RAD50: variants seen among roughly 807,000 people sequenced by gnomAD.
RAD50 encodes the protein RAD50 double strand break repair protein, also known as DNA repair protein RAD50.
RAD50 carries 132 observed loss-of-function variants against 168.8 expected under a neutral mutation model. The ratio of observed to expected loss-of-function variants is 0.78; its 90% CI spans 0.68 to 0.90. RAD50 has a LOEUF of 0.90. Among genes scored for constraint, RAD50 ranks in the 40% least tolerant of loss-of-function variants. The pLI is 0.00. For missense variants in RAD50, 1,347 were observed against 1,534.4 expected, an observed-to-expected ratio of 0.88 and a Z score of 2.04; for synonymous variants, 525 against 497.4, an observed-to-expected ratio of 1.06 and a Z score of -0.74.
At chr5:132,561,743 T>C (rs980996675) in intron 2 of RAD50, among the ~76,000 whole-genome samples, 2 of 152,228 alleles carry the variant, frequency 1.3e-5, no homozygotes, top group Non-Finnish European at 2.9e-5. Flanking sequence ...CTTGATTCCT[T>C]GTACCCACTT....
At chr5:132,638,001 TA>T in intron 22 of RAD50, 79 bp from the exon 23 acceptor site, 1 of 1,465,336 alleles carries the variant, frequency 6.8e-7, no homozygotes, top group Non-Finnish European at 9.5e-7. Context: ...CTGTTGTTCC[TA>T]GGCTTACTTG....
chr5:132,587,032 C>T (rs1367716285), intron 5 of RAD50, among the ~76,000 whole-genome samples: 2 of 152,246 alleles, frequency 1.3e-5, no homozygotes, highest in Admixed American at 6.5e-5. Context: ...GATGAGGCAA[C>T]CAGCTGTCTC....
intron 2 of RAD50, among the ~76,000 whole-genome samples, chr5:132,562,102 A>G (rs148227256): frequency 1.3e-5 from 2 of 152,324 alleles, no homozygotes; most frequent in East Asian, 1.9e-4. Context: ...GTCCCTGAGC[A>G]TGGTTGGTGT....
chr5:132,622,956 T>C (rs1004928838), intron 21 of RAD50, among the ~76,000 whole-genome samples: 3 of 152,218 alleles, frequency 2.0e-5, no homozygotes, highest in African/African-American at 7.2e-5. Context: ...CTATACTCAC[T>C]GGTAGCATAA....
rs1750765053 is a variant in RAD50, at chr5:132,595,016, G to A, written c.1941G>A (p.Glu647=). Residue 647 remains glutamate, a synonymous_variant, in exon 12 of 25, where the codon GAG becomes GAA. Transcript: ENST00000378823. The stretch of plus-strand genomic sequence containing the variant: ...AAAGTGATTTAGACAGGCTTAAAGA[G>A]GAAATTGAAAAATCATCAAAACAGC... ...DFESDLDRLK[E]EIEKSSKQRA... 1 of 1,613,704 alleles carries A rather than the reference G, an allele frequency of 6.2e-7. No homozygotes were observed. The highest frequency in any genetic ancestry group is 8.5e-7 in the Non-Finnish European group (1 of 1,179,702).
rs760741207 is a variant in RAD50, at chr5:132,640,782, A to G, written c.3729A>G (p.Glu1243=). 2 of 1,613,162 alleles carry G rather than the reference A, an allele frequency of 1.2e-6. No individual in the cohort carries two copies. Among genetic ancestry groups the G allele is most frequent in the Admixed American group, 1.7e-5 (1 of 59,942 alleles). The change falls in exon 24 of 25, where the codon GAA becomes GAG. Residue 1243 remains glutamate (E), a synonymous_variant. Coordinates refer to ENST00000378823, the MANE Select transcript of RAD50 (RefSeq NM_005732.4). ...PTTNLDRENI[E]SLAHALVEII... The stretch of plus-strand genomic sequence containing the variant: ...CAAATCTTGACCGAGAAAACATTGA[A>G]TCTCTTGCACATGCTCTGGTTGAGT...
intron 5 of RAD50, among the ~76,000 whole-genome samples, chr5:132,585,110 A>C (rs567977434): frequency 6.6e-6 from 1 of 152,256 alleles, no homozygotes; most frequent in South Asian, 2.1e-4. Context: ...AAAAGAAATA[A>C]GTTGTTTTCG....
At chr5:132,558,426 T>C (rs947256305) in intron 1 of RAD50, among the ~76,000 whole-genome samples, 1 of 152,102 alleles carries the variant, frequency 6.6e-6, no homozygotes, top group African/African-American at 2.4e-5. Flanking sequence ...AAATAGTTTC[T>C]ACAGCTGGGC....
At chr5:132,619,903 G>GAGAGAT (rs1554099998) in intron 21 of RAD50, among the ~76,000 whole-genome samples, 2,049 of 135,038 alleles carry the variant, frequency 0.015, 54 homozygotes, top group African/African-American at 0.056. Flanking sequence ...GAGAGAGAGA[G>GAGAGAT]ATATATCTTT....
intron 2 of RAD50, among the ~76,000 whole-genome samples, chr5:132,561,445 A>G (rs1344136718): frequency 6.6e-6 from 1 of 151,908 alleles, no homozygotes; most frequent in Non-Finnish European, 1.5e-5. Flanking sequence ...CACCTGCCTC[A>G]GTCTCCCAAA....
chr5:132,593,725 T>C (rs965086775), intron 11 of RAD50, among the ~76,000 whole-genome samples: 5 of 152,084 alleles, frequency 3.3e-5, no homozygotes, highest in Non-Finnish European at 2.9e-5. Flanking sequence ...ATTCAGGAGA[T>C]TGGAAGTTGT....
chr5:132,618,366 A>ATTTTTTTC lies in RAD50; in HGVS notation c.3389+87_3389+94dup, dbSNP rs1235908298. 4 of 1,574,130 alleles carry ATTTTTTTC rather than the reference A, an allele frequency of 2.5e-6. No homozygotes were observed. In the African/African-American group the frequency reaches 5.6e-5, roughly 22 times the overall value. On this transcript the variant is annotated intron_variant, in intron 21 of 24. Coordinates refer to ENST00000378823, the MANE Select transcript of RAD50 (RefSeq NM_005732.4). Reference sequence around the variant, plus strand: ...ACATACTTTAGTCATCTTTTCTCTCATTTTTTTCTTTTTTTCTTTTTTATT... The same window carrying ATTTTTTTC: ...ACATACTTTAGTCATCTTTTCTCTCATTTTTTTCTTTTTTTCTTTTTTTCTTTTTTATT...
intron 21 of RAD50, among the ~76,000 whole-genome samples, chr5:132,635,236 A>G (rs1339858897): frequency 6.6e-6 from 1 of 152,260 alleles, no homozygotes; most frequent in Non-Finnish European, 1.5e-5. Context: ...AGATAACAGT[A>G]TCTAATTCCC....
chr5:132,576,958 A>G (rs1296113683), intron 3 of RAD50, among the ~76,000 whole-genome samples: 1 of 152,254 alleles, frequency 6.6e-6, no homozygotes, highest in Admixed American at 6.5e-5. Flanking sequence ...AATGCTTAAC[A>G]TGTAGTAAGA....
intron 10 of RAD50, 25 bp from the exon 11 acceptor site, chr5:132,591,852 T>A: frequency 6.5e-7 from 1 of 1,543,128 alleles, no homozygotes; most frequent in Non-Finnish European, 8.9e-7. Context: ...ACTTTATTTT[T>A]AAAAGATTTT....
chr5:132,608,596 A>G lies in RAD50; in HGVS notation c.2719-19A>G. ...ATAATGGAATATTATATAATACTTTATCTTTTTTATATTTTTAGGATGCTA... is the reference window on the plus strand; with the variant it reads ...ATAATGGAATATTATATAATACTTTGTCTTTTTTATATTTTTAGGATGCTA... On this transcript the variant is annotated intron_variant, in intron 16 of 24. Transcript: ENST00000378823. 2 of 1,519,412 alleles carry G rather than the reference A, an allele frequency of 1.3e-6. No homozygotes were observed. The highest frequency in any genetic ancestry group is 4.9e-5 in the East Asian group (2 of 40,530). 94.1% of individuals were successfully genotyped at this position (1,519,412 alleles called of 1,614,324 possible).
At position 132,644,527 on chromosome 5, in the gene RAD50, T is replaced by G. The variant is rs575843992; in HGVS notation, c.*2163T>G. 4.4e-5 allele frequency: 8 copies of G among 181,470 alleles called. No homozygotes were observed. The highest frequency in any genetic ancestry group is 1.6e-4 in the African/African-American group (7 of 42,444). 11.2% of individuals were successfully genotyped at this position (181,470 alleles called of 1,614,324 possible). A position where few individuals can be genotyped will look rare whatever the true frequency, so the allele number is the denominator to read the frequency against. On this transcript the variant is annotated 3_prime_UTR_variant, in exon 25 of 25. Transcript: ENST00000378823. ...TGGTACATATTTTGTAGGGTTGTTA[T>G]GAAGATTGAATGACATTATTTACAA... is the stretch of plus-strand genomic sequence containing the variant.
chr5:132,557,547 T>A, intron 1 of RAD50, 94 bp downstream of exon 1: 1 of 1,542,522 alleles, frequency 6.5e-7, no homozygotes. Flanking sequence ...AGCAGAAGCG[T>A]CCCTAGGGCT....
intron 17 of RAD50, 64 bp from the exon 18 acceptor site, chr5:132,609,053 T>C: frequency 1.3e-6 from 2 of 1,584,104 alleles, no homozygotes; most frequent in Non-Finnish European, 1.7e-6. Context: ...AGTGTTTTAC[T>C]GTGCTCTCCT....
Sources: gnomAD v4.1 joint callset for allele counts (sites outside exome capture counted in the v4.1 genomes callset) on GRCh38, gnomAD v4.1.1 for gene constraint, MANE v1.5 for transcripts, NCBI Gene and HGNC (gene_info 2026-07-23, HGNC 2026-07-21) for gene names.